Variants in CPHXL2 observed in about 807,000 individuals in gnomAD.
CPHXL2 encodes cytoplasmic polyadenylated homeobox like 2.
At chr16:75,667,855 C>CT in the CPHXL2 span, among the ~76,000 whole-genome samples, 5 of 152,246 alleles carry the variant, frequency 3.3e-5, no homozygotes, top group Admixed American at 6.5e-5. Context: ...CCTAGGTCCC[C>CT]TCCTTAGTAA....
At chr16:75,675,750 T>A in the CPHXL2 span, among the ~76,000 whole-genome samples, 1 of 152,032 alleles carries the variant, frequency 6.6e-6, no homozygotes, top group African/African-American at 2.4e-5. Context: ...AGATTTTGCC[T>A]CCAGGACAAA....
the CPHXL2 span, among the ~76,000 whole-genome samples, chr16:75,667,632 C>A: frequency 6.6e-6 from 1 of 152,178 alleles, no homozygotes; most frequent in African/African-American, 2.4e-5. Context: ...AATTGTAAAG[C>A]CCTTACCACT....
the CPHXL2 span, among the ~76,000 whole-genome samples, chr16:75,668,512 C>G: frequency 6.6e-6 from 1 of 152,294 alleles, no homozygotes; most frequent in Admixed American, 6.5e-5. Flanking sequence ...CAGGCGTAAG[C>G]CACCGCAACA....
chr16:75,662,226 A>G, the CPHXL2 span, among the ~76,000 whole-genome samples: 1 of 152,076 alleles, frequency 6.6e-6, no homozygotes, highest in Non-Finnish European at 1.5e-5. Context: ...GAAGGGGTGC[A>G]GAGCTTTCAT....
chr16:75,669,437 C>T, the CPHXL2 span: 3 of 400,654 alleles, frequency 7.5e-6, no homozygotes, highest in Non-Finnish European at 1.3e-5. Context: ...TAACCGTTCT[C>T]TCCAAATATT....
At chr16:75,662,880 G>A in the CPHXL2 span, among the ~76,000 whole-genome samples, 1 of 148,508 alleles carries the variant, frequency 6.7e-6, no homozygotes, top group Non-Finnish European at 1.5e-5. Flanking sequence ...CTTACTTCAA[G>A]CTCCGCCTCC....
At chr16:75,664,217 C>T in the CPHXL2 span, among the ~76,000 whole-genome samples, 1 of 152,228 alleles carries the variant, frequency 6.6e-6, no homozygotes, top group Non-Finnish European at 1.5e-5. Flanking sequence ...TGTGGCCTGA[C>T]CACCTTGGGC....
the CPHXL2 span, among the ~76,000 whole-genome samples, chr16:75,663,724 A>G: frequency 6.6e-6 from 1 of 151,568 alleles, no homozygotes; most frequent in Non-Finnish European, 1.5e-5. Context: ...TCTACTAAAA[A>G]AAATACAAAA....
chr16:75,671,274 C>T, the CPHXL2 span, among the ~76,000 whole-genome samples: 8 of 149,884 alleles, frequency 5.3e-5, no homozygotes, highest in South Asian at 2.1e-4. Context: ...GTGGGAGCAT[C>T]GCTTGAGCCT....
chr16:75,674,812 C>T, the CPHXL2 span, among the ~76,000 whole-genome samples: 1 of 151,258 alleles, frequency 6.6e-6, no homozygotes, highest in Non-Finnish European at 1.5e-5. Context: ...TGGGTTCAAG[C>T]GATTCTCCTG....
the CPHXL2 span, chr16:75,661,292 T>C: frequency 5.0e-6 from 2 of 400,426 alleles, no homozygotes; most frequent in Non-Finnish European, 8.8e-6. Context: ...TCTACTTCTC[T>C]GATTATATGC....
At chr16:75,661,175 G>C in the CPHXL2 span, 1 of 400,774 alleles carries the variant, frequency 2.5e-6, no homozygotes, top group Non-Finnish European at 4.4e-6. Context: ...CTGGGAAATC[G>C]TGTTTTTTCC....
the CPHXL2 span, among the ~76,000 whole-genome samples, chr16:75,673,975 G>A: frequency 1.7e-4 from 23 of 131,952 alleles, no homozygotes; most frequent in East Asian, 1.7e-3. Context: ...GAGAGATCTC[G>A]TCTTAAAAAA....
chr16:75,675,080 T>G, the CPHXL2 span, among the ~76,000 whole-genome samples: 1 of 149,574 alleles, frequency 6.7e-6, no homozygotes, highest in African/African-American at 2.5e-5. Flanking sequence ...TCACAGCTAC[T>G]CAGGAGGCTT....
the CPHXL2 span, among the ~76,000 whole-genome samples, chr16:75,666,956 TTAAA>T: frequency 6.6e-6 from 1 of 152,062 alleles, no homozygotes; most frequent in Non-Finnish European, 1.5e-5. Context: ...TATATGGAAA[TTAAA>T]TAACCTGTTC....
the CPHXL2 span, among the ~76,000 whole-genome samples, chr16:75,675,332 A>G: frequency 6.6e-6 from 1 of 151,496 alleles, no homozygotes; most frequent in Non-Finnish European, 1.5e-5. Context: ...TTGATATTAT[A>G]TTTAATTATG....
At chr16:75,675,143 C>T in the CPHXL2 span, among the ~76,000 whole-genome samples, 8 of 149,104 alleles carry the variant, frequency 5.4e-5, no homozygotes, top group African/African-American at 7.4e-5. Flanking sequence ...GAGCCGAGAT[C>T]GTGCCACTGC....
At chr16:75,671,555 T>C in the CPHXL2 span, among the ~76,000 whole-genome samples, 3 of 152,166 alleles carry the variant, frequency 2.0e-5, no homozygotes, top group Admixed American at 2.0e-4. Flanking sequence ...CCAGAGAGCA[T>C]GGCTTTTAGT....
chr16:75,664,653 AAAAC>A, the CPHXL2 span, among the ~76,000 whole-genome samples: 2,842 of 151,316 alleles, frequency 0.019, 67 homozygotes, highest in African/African-American at 0.046. Context: ...GAAAGAAAGA[AAAAC>A]AAACAAAACC....
Sources: gnomAD v4.1 joint callset for allele counts (sites outside exome capture counted in the v4.1 genomes callset) on GRCh38, gnomAD v4.1.1 for gene constraint, MANE v1.5 for transcripts, NCBI Gene and HGNC (gene_info 2026-07-23, HGNC 2026-07-21) for gene names.